The following SHROOM3 variants were observed in gnomAD, a reference collection of about 807,000 sequenced individuals.
The protein encoded by SHROOM3 is protein Shroom3.
Under a neutral mutation model 138.6 loss-of-function variants are expected in SHROOM3, and 47 were observed. That is an observed-to-expected ratio of 0.34 (90% CI 0.27 to 0.43). The LOEUF is 0.43. Among genes scored for constraint, SHROOM3 ranks in the 20% least tolerant of loss-of-function variants. SHROOM3 has a pLI of 1.00. For synonymous variants in SHROOM3, 1,062 were observed against 1,063.3 expected (o/e 1.00, Z 0.02); for missense variants, 2,491 against 2,596.5 (o/e 0.96, Z 0.88).
intron 3 of SHROOM3, among the ~76,000 whole-genome samples, chr4:76,730,405 T>C (rs1720837022): frequency 6.6e-6 from 1 of 152,080 alleles, no homozygotes; most frequent in South Asian, 2.1e-4. Flanking sequence ...CTTTGGGAAA[T>C]GGAAAGGAAT....
At chr4:76,460,004 T>G (rs904152763) in intron 1 of SHROOM3, among the ~76,000 whole-genome samples, 1 of 152,232 alleles carries the variant, frequency 6.6e-6, no homozygotes, top group Non-Finnish European at 1.5e-5. Flanking sequence ...TGAAAATGTT[T>G]GTTACATTAC....
At chr4:76,689,940 G>A (rs1429861205) in intron 2 of SHROOM3, among the ~76,000 whole-genome samples, 2 of 152,174 alleles carry the variant, frequency 1.3e-5, no homozygotes, top group Non-Finnish European at 2.9e-5. Context: ...CACTCCAAGA[G>A]GAAAATAATT....
At chr4:76,552,914 G>C (rs966229169) in intron 1 of SHROOM3, among the ~76,000 whole-genome samples, 1 of 151,968 alleles carries the variant, frequency 6.6e-6, no homozygotes, top group Non-Finnish European at 1.5e-5. Flanking sequence ...GACCCAGATC[G>C]AGCCTTATTT....
At chr4:76,670,808 C>T (rs977154006) in intron 2 of SHROOM3, among the ~76,000 whole-genome samples, 6 of 151,966 alleles carry the variant, frequency 3.9e-5, no homozygotes, top group African/African-American at 1.5e-4. Flanking sequence ...CAAAAATTAG[C>T]CGGGCATGGT....
At chr4:76,579,711 A>G (rs546141101) in intron 2 of SHROOM3, among the ~76,000 whole-genome samples, 43 of 152,236 alleles carry the variant, frequency 2.8e-4, no homozygotes, top group African/African-American at 1.0e-3. Flanking sequence ...TGCTTTGCTC[A>G]TTTACTCCAC....
Position 76,590,951 on chromosome 4 carries a change from A to G in SHROOM3, c.323+35188A>G, listed in dbSNP as rs145142124. 2.7e-4 allele frequency among the ~76,000 whole-genome samples: 41 copies of G among 152,312 alleles called. 1 individual carries two copies. The East Asian group carries it at 7.5e-3, about 28-fold the overall frequency. ...GAAATGAACTTCAGACAAAGACACT[A>G]ATTTTACCATGATGATGTATGCCCT... On this transcript the variant is annotated intron_variant, in intron 2 of 10. Transcript: ENST00000296043.
intron 2 of SHROOM3, among the ~76,000 whole-genome samples, chr4:76,636,491 T>C (rs1735498246): frequency 6.6e-6 from 1 of 152,262 alleles, no homozygotes; most frequent in South Asian, 2.1e-4. Context: ...TTTCCTAATG[T>C]GCCTAGCAGT....
chr4:76,549,285 A>C (rs1733295206), intron 1 of SHROOM3, among the ~76,000 whole-genome samples: 1 of 152,178 alleles, frequency 6.6e-6, no homozygotes, highest in Non-Finnish European at 1.5e-5. Context: ...TCAATATCTT[A>C]ATTTATCATT....
At chr4:76,621,390 AAAG>A (rs1735004384) in intron 2 of SHROOM3, among the ~76,000 whole-genome samples, 1 of 152,348 alleles carries the variant, frequency 6.6e-6, no homozygotes, top group South Asian at 2.1e-4. Context: ...CAAACAGTAC[AAAG>A]AAGGATTGCT....
intron 2 of SHROOM3, among the ~76,000 whole-genome samples, chr4:76,562,011 CA>C (rs1300052184): frequency 2.0e-5 from 3 of 151,520 alleles, no homozygotes; most frequent in Non-Finnish European, 4.4e-5. Context: ...AACTCTGTCT[CA>C]AAAAACAAAA....
Position 76,756,572 on chromosome 4 carries a change from G to A in SHROOM3, c.4833G>A (p.Glu1611=), listed in dbSNP as rs1476288604. The A allele has an allele frequency of 6.2e-7, 1 of 1,613,742 alleles. No homozygotes were observed. The highest frequency in any genetic ancestry group is 8.5e-7 in the Non-Finnish European group (1 of 1,180,006). Residue 1611 remains glutamate, a synonymous_variant, in exon 8 of 11, where the codon GAG becomes GAA. Transcript: ENST00000296043. ...LQTSIKGSEA[E]STPPSFMSVH... is the part of the protein sequence containing the mutation. Reference sequence around the variant, plus strand: ...CTTCTATCAAGGGTTCAGAGGCTGAGTCCACACCACCCTCCTTCATGAGCG... The same window carrying A: ...CTTCTATCAAGGGTTCAGAGGCTGAATCCACACCACCCTCCTTCATGAGCG...
chr4:76,719,815 G>T (rs554401772), intron 3 of SHROOM3, among the ~76,000 whole-genome samples: 10 of 152,308 alleles, frequency 6.6e-5, no homozygotes, highest in Non-Finnish European at 1.0e-4. Context: ...GAGATAACTA[G>T]TAGTGAAGGG....
rs1203595556 is a variant in SHROOM3, at chr4:76,732,876, G to A, written c.587+1941G>A. On this transcript the variant is annotated intron_variant, in intron 4 of 10. Transcript: ENST00000296043. ...AGTACCTACATCATTGGATTGTTGTGAGGATTATATAAAATAGCATATGTG... is the reference window on the plus strand; with the variant it reads ...AGTACCTACATCATTGGATTGTTGTAAGGATTATATAAAATAGCATATGTG... 3.9e-5 allele frequency among the ~76,000 whole-genome samples: 6 copies of A among 152,284 alleles called. No homozygotes were observed. In the East Asian group the frequency reaches 1.2e-3, roughly 29 times the overall value.
intron 2 of SHROOM3, among the ~76,000 whole-genome samples, chr4:76,651,218 A>T (rs2110088392): frequency 6.6e-6 from 1 of 151,978 alleles, no homozygotes; most frequent in African/African-American, 2.4e-5. Context: ...TACTATTTGA[A>T]AGCACAACAG....
At chr4:76,547,163 GTCAGGTT>G (rs1733238591) in intron 1 of SHROOM3, among the ~76,000 whole-genome samples, 1 of 152,218 alleles carries the variant, frequency 6.6e-6, no homozygotes, top group Admixed American at 6.5e-5. Flanking sequence ...AGTGTTGAGT[GTCAGGTT>G]TCTTGGGCAC....
chr4:76,557,747 T>C (rs1733517221), intron 2 of SHROOM3, among the ~76,000 whole-genome samples: 1 of 152,218 alleles, frequency 6.6e-6, no homozygotes, highest in Non-Finnish European at 1.5e-5. Context: ...TTGGCAATTA[T>C]ACTTGGGCAA....
chr4:76,699,694 T>A (rs1719849704), intron 2 of SHROOM3, among the ~76,000 whole-genome samples: 1 of 152,216 alleles, frequency 6.6e-6, no homozygotes, highest in South Asian at 2.1e-4. Flanking sequence ...TTGTTGCATG[T>A]TCTCTTTCTT....
intron 3 of SHROOM3, among the ~76,000 whole-genome samples, chr4:76,724,437 A>AC (rs1411647215): frequency 2.4e-4 from 36 of 148,694 alleles, no homozygotes; most frequent in South Asian, 8.6e-4. Context: ...TAGCTGTTTA[A>AC]TTTTTTTTTT....
chr4:76,751,024 A>G (rs568525361), intron 6 of SHROOM3, among the ~76,000 whole-genome samples: 12 of 152,220 alleles, frequency 7.9e-5, no homozygotes, highest in Non-Finnish European at 1.8e-4. Flanking sequence ...ATAGGCATGG[A>G]AAGTGCAGCC....
Sources: gnomAD v4.1 joint callset for allele counts (sites outside exome capture counted in the v4.1 genomes callset) on GRCh38, gnomAD v4.1.1 for gene constraint, MANE v1.5 for transcripts, NCBI Gene and HGNC (gene_info 2026-07-23, HGNC 2026-07-21) for gene names.